STARD13: variants seen among roughly 807,000 people sequenced by gnomAD.
The protein encoded by STARD13 is stAR-related lipid transfer protein 13.
STARD13 carries 62 observed loss-of-function variants against 106.4 expected under a neutral mutation model. That is an observed-to-expected ratio of 0.58 (90% confidence interval 0.48 to 0.72). The LOEUF is 0.72. Among genes scored for constraint, STARD13 ranks in the 30% least tolerant of loss-of-function variants. The pLI, the probability that STARD13 is intolerant of heterozygous loss-of-function variation, is 0.00. For synonymous variants in STARD13, 565 were observed against 553.0 expected (o/e 1.02, Z -0.31); for missense variants, 1,387 against 1,424.0 (o/e 0.97, Z 0.42).
At chr13:33,392,181 C>T in the STARD13 span, among the ~76,000 whole-genome samples, 3 of 152,240 alleles carry the variant, frequency 2.0e-5, no homozygotes, top group African/African-American at 7.2e-5. Context: ...ATATGCTTTG[C>T]TTCTCCACCT....
At chr13:33,438,260 TAG>T in the STARD13 span, among the ~76,000 whole-genome samples, 3 of 152,228 alleles carry the variant, frequency 2.0e-5, no homozygotes, top group African/African-American at 7.2e-5. Context: ...GGCTGCTCAT[TAG>T]TGTAAATCCC....
Position 33,161,857 on chromosome 13 carries a change from A to G in STARD13, c.323+3480T>C, listed in dbSNP as rs148202942. On this transcript the variant is annotated intron_variant, in intron 3 of 13. Coordinates refer to ENST00000336934, the MANE Select transcript of STARD13 (RefSeq NM_178006.4). ...GTGGGAGGATAAAGGCCCTTCTTAC[A>G]TGGTGGTGACAAGAGAAAATGAGGA... Among the ~76,000 whole-genome samples, 335 of 152,284 alleles carry G rather than the reference A, an allele frequency of 2.2e-3. 2 individuals carry two copies. The highest frequency in any genetic ancestry group is 6.5e-3 in the African/African-American group (270 of 41,566).
At chr13:33,312,987 C>T (rs528615512) in intron 1 of STARD13, among the ~76,000 whole-genome samples, 5 of 152,298 alleles carry the variant, frequency 3.3e-5, no homozygotes, top group East Asian at 3.9e-4. Context: ...AGTTCCAGAA[C>T]ATTTGGATCC....
At chr13:33,284,843 C>G (rs906121121) in intron 1 of STARD13, among the ~76,000 whole-genome samples, 1 of 151,936 alleles carries the variant, frequency 6.6e-6, no homozygotes, top group Admixed American at 6.6e-5. Flanking sequence ...ATTCTCTTCT[C>G]TTTGCATTAG....
At chr13:33,320,832 T>C (rs915231201) in intron 1 of STARD13, among the ~76,000 whole-genome samples, 3 of 152,146 alleles carry the variant, frequency 2.0e-5, no homozygotes, top group Non-Finnish European at 4.4e-5. Context: ...CAACTTCCGA[T>C]GTGTACCATT....
At chr13:33,491,501 G>A in the STARD13 span, among the ~76,000 whole-genome samples, 2 of 152,226 alleles carry the variant, frequency 1.3e-5, no homozygotes, top group Non-Finnish European at 2.9e-5. Flanking sequence ...AAATTCCTAA[G>A]AGTCTATATG....
At chr13:33,182,095 C>A (rs910292580) in intron 1 of STARD13, among the ~76,000 whole-genome samples, 1 of 152,202 alleles carries the variant, frequency 6.6e-6, no homozygotes, top group East Asian at 1.9e-4. Flanking sequence ...TGTGAACATG[C>A]ACACACCACA....
At chr13:33,350,483 C>T in exon 1 of STARD13, 1 of 1,480,504 alleles carries the variant, frequency 6.8e-7, no homozygotes. Flanking sequence ...GACTCAGACT[C>T]CCGGCGACTG....
At chr13:33,543,134 C>G in the STARD13 span, among the ~76,000 whole-genome samples, 2 of 152,204 alleles carry the variant, frequency 1.3e-5, no homozygotes, top group Admixed American at 1.3e-4. Flanking sequence ...GGGTCATTCT[C>G]AGTCTTCCCC....
At chr13:33,621,691 AAAAAAAAAAATTCAAAAATCTG>A in the STARD13 span, among the ~76,000 whole-genome samples, 4 of 151,910 alleles carry the variant, frequency 2.6e-5, no homozygotes, top group Non-Finnish European at 5.9e-5. Context: ...AAAAAAAAAA[AAAAAAAAAAATTCAAAAATCTG>A]AGAAGCTTAT....
the STARD13 span, among the ~76,000 whole-genome samples, chr13:33,510,821 A>T: frequency 6.6e-6 from 1 of 152,146 alleles, no homozygotes; most frequent in Non-Finnish European, 1.5e-5. Flanking sequence ...CTAAAGCTGG[A>T]CTGATAAGCC....
chr13:33,156,661 A>T (rs1411148868), intron 3 of STARD13, among the ~76,000 whole-genome samples: 1 of 152,180 alleles, frequency 6.6e-6, no homozygotes, highest in African/African-American at 2.4e-5. Context: ...AGGGGGAATG[A>T]TGTTAACAGC....
Position 33,245,256 on chromosome 13 carries a change from A to G in STARD13, c.169+40214T>C, listed in dbSNP as rs542135127. Among the ~76,000 whole-genome samples, 22 of 152,388 alleles carry G rather than the reference A, an allele frequency of 1.4e-4. No individual in the cohort carries two copies. In the Middle Eastern group the frequency reaches 0.01, roughly 71 times the overall value. On this transcript the variant is annotated intron_variant, in intron 1 of 13. Transcript: ENST00000336934. ...AAACTCACTTGCTGGCAAACTGAGG[A>G]TAATTTGTCCTAAGACATGACACTG...
At chr13:33,282,156 C>G (rs1891820581) in intron 1 of STARD13, among the ~76,000 whole-genome samples, 1 of 152,078 alleles carries the variant, frequency 6.6e-6, no homozygotes, top group Non-Finnish European at 1.5e-5. Context: ...TCTCTCTCTA[C>G]AACAATTTCC....
At position 33,106,747 on chromosome 13, in the gene STARD13, T is replaced by A; in HGVS notation, c.3224+11A>T. Reference sequence around the variant, plus strand: ...AGATCTGAGCCTGCCATTAAGGGAGTCAGCACTTACTTCAGGTCTATCCTG... The same window carrying A: ...AGATCTGAGCCTGCCATTAAGGGAGACAGCACTTACTTCAGGTCTATCCTG... On this transcript the variant is annotated intron_variant, in intron 13 of 13. Coordinates refer to ENST00000336934, the MANE Select transcript of STARD13 (RefSeq NM_178006.4). The A allele has an allele frequency of 6.3e-7, 1 of 1,594,870 alleles. No homozygotes were observed. Among genetic ancestry groups the A allele is most frequent in the Non-Finnish European group, 8.6e-7 (1 of 1,167,934 alleles).
intron 1 of STARD13, among the ~76,000 whole-genome samples, chr13:33,320,763 G>A (rs987936072): frequency 6.6e-6 from 1 of 152,168 alleles, no homozygotes; most frequent in African/African-American, 2.4e-5. Flanking sequence ...TTGAGGCCAG[G>A]AATCTGAGAC....
chr13:33,646,463 T>A, the STARD13 span, among the ~76,000 whole-genome samples: 3 of 152,184 alleles, frequency 2.0e-5, no homozygotes, highest in Non-Finnish European at 1.5e-5. Context: ...TCTGGGAAGT[T>A]CTGCGAATTC....
chr13:33,426,722 T>C, the STARD13 span, among the ~76,000 whole-genome samples: 1 of 152,196 alleles, frequency 6.6e-6, no homozygotes, highest in Admixed American at 6.5e-5. Context: ...CCATTTCCTT[T>C]CAGAAGGGTA....
the STARD13 span, among the ~76,000 whole-genome samples, chr13:33,530,347 A>G: frequency 2.0e-5 from 3 of 152,098 alleles, no homozygotes; most frequent in Admixed American, 2.0e-4. Flanking sequence ...ATAAGTAACC[A>G]TTATTCTGGC....
Sources: allele counts gnomAD v4.1 joint callset (sites outside exome capture counted in the v4.1 genomes callset), GRCh38; gene constraint gnomAD v4.1.1; transcripts MANE v1.5; gene names NCBI Gene and HGNC (gene_info 2026-07-23, HGNC 2026-07-21).